GOLGA4: variants seen among roughly 807,000 people sequenced by gnomAD.
GOLGA4 encodes the protein golgin subfamily A member 4.
GOLGA4 carries 169 observed loss-of-function variants against 265.9 expected under a neutral mutation model. The observed-to-expected ratio is 0.64, with a 90% CI of 0.56 to 0.72. GOLGA4 has a LOEUF of 0.72. GOLGA4 is among the 30% of genes least tolerant of loss of function. The pLI, the probability that GOLGA4 is intolerant of heterozygous loss-of-function variation, is 0.00. For missense variants in GOLGA4, 2,482 were observed against 2,483.4 expected (o/e 1.00, Z 0.01); for synonymous variants, 923 against 855.8 (o/e 1.08, Z -1.37).
intron 22 of GOLGA4, among the ~76,000 whole-genome samples, chr3:37,357,396 GGA>G (rs995372987): frequency 1.3e-5 from 2 of 152,064 alleles, no homozygotes; most frequent in African/African-American, 4.8e-5. Context: ...TTGACCTTGT[GGA>G]ACTTTTAATT....
chr3:37,294,465 A>G (rs754505070), intron 5 of GOLGA4, among the ~76,000 whole-genome samples: 3 of 151,192 alleles, frequency 2.0e-5, no homozygotes, highest in Non-Finnish European at 4.4e-5. Context: ...ACTCACTGCA[A>G]CCTCTTCCTC....
Position 37,321,854 on chromosome 3 carries a change from G to A in GOLGA4, c.1669G>A (p.Asp557Asn). 2 of 1,612,036 alleles carry A rather than the reference G, an allele frequency of 1.2e-6. No homozygotes were observed. The highest frequency in any genetic ancestry group is 1.7e-6 in the Non-Finnish European group (2 of 1,179,332). The change falls in exon 13 of 24, where the codon GAC becomes AAC. Residue 557 changes from aspartate (D) to asparagine (N), a missense_variant. Physicochemically the swap from Asp to Asn is conservative, Grantham distance 23. Coordinates refer to ENST00000361924, the MANE Select transcript of GOLGA4 (RefSeq NM_002078.5). ...ILTESENKLR[D>N]LQQEAETYRT... ...CACAGAAAGTGAAAATAAACTTCGGGACCTTCAGCAAGAAGCAGAGACTTA... is the reference window on the plus strand; with the variant it reads ...CACAGAAAGTGAAAATAAACTTCGGAACCTTCAGCAAGAAGCAGAGACTTA...
intron 14 of GOLGA4, 56 bp downstream of exon 14, chr3:37,327,881 C>T: frequency 1.5e-6 from 2 of 1,359,628 alleles, no homozygotes; most frequent in South Asian, 2.8e-5. Context: ...ATTAAGTCTC[C>T]TTTTTTTGTG....
chr3:37,303,196 C>T (rs1233264648), intron 10 of GOLGA4, among the ~76,000 whole-genome samples: 1 of 152,188 alleles, frequency 6.6e-6, no homozygotes, highest in African/African-American at 2.4e-5. Flanking sequence ...TGAGTTTAGA[C>T]TTTGATATAC....
chr3:37,304,242 A>G (rs969592750), intron 10 of GOLGA4, among the ~76,000 whole-genome samples: 1 of 152,200 alleles, frequency 6.6e-6, no homozygotes, highest in Non-Finnish European at 1.5e-5. Flanking sequence ...GTTTTGAGAA[A>G]TGATTTTATA....
intron 2 of GOLGA4, among the ~76,000 whole-genome samples, chr3:37,265,037 G>A (rs1038873266): frequency 6.6e-6 from 1 of 151,938 alleles, no homozygotes; most frequent in Non-Finnish European, 1.5e-5. Flanking sequence ...ATAGTACACT[G>A]TCCAAACAAG....
rs779889875 is a variant in GOLGA4 at position 37,299,393 on chromosome 3, T to C, written c.1086+22T>C. Reference sequence around the variant, plus strand: ...TAAGGTAAAACAACAAAACCTATGATACTAAAATTTGTCAAGAGGCCCCAA... The same window carrying C: ...TAAGGTAAAACAACAAAACCTATGACACTAAAATTTGTCAAGAGGCCCCAA... On this transcript the variant is annotated intron_variant, in intron 9 of 23. Transcript: ENST00000361924. The C allele has an allele frequency of 8.7e-6, 13 of 1,502,164 alleles. No individual in the cohort carries two copies. The Admixed American group carries it at 8.8e-5, about 10-fold the overall frequency. The allele number at this position is 1,502,164 out of a possible 1,614,324, so 93.1% of individuals were successfully genotyped here.
chr3:37,326,741 G>A lies in GOLGA4; in HGVS notation c.4855G>A (p.Glu1619Lys). ...EHVNLSVKSKEEELKALEDRL... is the reference protein window; with the variant it reads ...EHVNLSVKSKKEELKALEDRL... ...TGTGAATTTAAGTGTGAAAAGCAAA[G>A]AGGAGGAGTTAAAGGCATTGGAAGA... The change falls in exon 14 of 24, where the codon GAG (glutamate) becomes AAG (lysine). Residue 1619 changes from glutamate to lysine, a missense_variant. Physicochemically the swap from Glu to Lys is moderately conservative, Grantham distance 56. Coordinates refer to ENST00000361924, the MANE Select transcript of GOLGA4 (RefSeq NM_002078.5). 6.2e-7 allele frequency: 1 copy of A among 1,613,706 alleles called. No homozygotes were observed. The highest frequency in any genetic ancestry group is 8.5e-7 in the Non-Finnish European group (1 of 1,179,710).
At chr3:37,273,075 G>A (rs2096803234) in intron 2 of GOLGA4, among the ~76,000 whole-genome samples, 1 of 152,142 alleles carries the variant, frequency 6.6e-6, no homozygotes, top group Non-Finnish European at 1.5e-5. Context: ...AAATGAATGA[G>A]ACATTACCGT....
chr3:37,331,365 G>A lies in GOLGA4; in HGVS notation c.6192+2272G>A, dbSNP rs537474900. 2.0e-5 allele frequency among the ~76,000 whole-genome samples: 3 copies of A among 152,230 alleles called. No individual in the cohort carries two copies. In the East Asian group the frequency reaches 5.8e-4, roughly 29 times the overall value. On this transcript the variant is annotated intron_variant, in intron 16 of 23. Transcript: ENST00000361924. The stretch of plus-strand genomic sequence containing the variant: ...CTTAGACTTTCAACTGCTAGGACTA[G>A]GGCTGACTTTGTAATTAAATAGCCA...
At position 37,329,048 on chromosome 3, in the gene GOLGA4, T is replaced by C; in HGVS notation, c.6147T>C (p.Asp2049=). Residue 2049 remains aspartate (D), a synonymous_variant, in exon 16 of 24, where the codon GAT becomes GAC. Coordinates refer to ENST00000361924, the MANE Select transcript of GOLGA4 (RefSeq NM_002078.5). ...NQLLKKIAEK[D]DDLKRTAKRY... ...TACTTAAAAAAATTGCTGAGAAAGA[T>C]GATGATCTAAAACGAACAGCCAAAA... 6.2e-7 allele frequency: 1 copy of C among 1,611,298 alleles called. No homozygotes were observed. The highest frequency in any genetic ancestry group is 8.5e-7 in the Non-Finnish European group (1 of 1,178,622).
intron 2 of GOLGA4, among the ~76,000 whole-genome samples, chr3:37,279,178 A>G (rs990278611): frequency 9.2e-5 from 14 of 152,106 alleles, no homozygotes; most frequent in Admixed American, 8.5e-4. Context: ...CAGCCTGTGG[A>G]CCCTCTTATT....
chr3:37,280,526 G>GA (rs1373149620), intron 2 of GOLGA4, among the ~76,000 whole-genome samples: 1 of 152,012 alleles, frequency 6.6e-6, no homozygotes, highest in Non-Finnish European at 1.5e-5. Context: ...TCCAAAATCT[G>GA]AAAAAAATCT....
chr3:37,266,906 C>T, intron 2 of GOLGA4: 1 of 1,286,718 alleles, frequency 7.8e-7, no homozygotes, highest in Non-Finnish European at 1.0e-6. Flanking sequence ...GCTTTGGATT[C>T]CTCCAAACAT....
At chr3:37,293,207 C>T (rs558939251) in intron 5 of GOLGA4, among the ~76,000 whole-genome samples, 1 of 152,332 alleles carries the variant, frequency 6.6e-6, no homozygotes, top group South Asian at 2.1e-4. Context: ...GCTTGTCTAA[C>T]CTGCAGCCCG....
intron 5 of GOLGA4, among the ~76,000 whole-genome samples, chr3:37,291,563 T>C (rs2096864767): frequency 6.6e-6 from 1 of 152,224 alleles, no homozygotes; most frequent in South Asian, 2.1e-4. Context: ...GTTGAGGGAC[T>C]TAGAAAACTG....
intron 13 of GOLGA4, among the ~76,000 whole-genome samples, chr3:37,322,577 G>A (rs930208453): frequency 6.6e-6 from 1 of 152,032 alleles, no homozygotes; most frequent in Non-Finnish European, 1.5e-5. Flanking sequence ...ACTTGCAAAA[G>A]GTTCCATGGT....
intron 2 of GOLGA4, chr3:37,275,612 C>T (rs538801938): frequency 2.1e-4 from 317 of 1,512,398 alleles, no homozygotes; most frequent in Middle Eastern, 4.7e-4. Flanking sequence ...CGCCGGGGGT[C>T]GCTCCTGCTG....
chr3:37,254,099 T>C (rs1020659878), intron 2 of GOLGA4, among the ~76,000 whole-genome samples: 1 of 152,168 alleles, frequency 6.6e-6, no homozygotes, highest in African/African-American at 2.4e-5. Flanking sequence ...ACTAATATAC[T>C]ATAATGTCAA....
Sources: gnomAD v4.1 joint callset for allele counts (sites outside exome capture counted in the v4.1 genomes callset) on GRCh38, gnomAD v4.1.1 for gene constraint, MANE v1.5 for transcripts, NCBI Gene and HGNC (gene_info 2026-07-23, HGNC 2026-07-21) for gene names.